Variants in BBS9 observed in about 807,000 individuals in gnomAD.
The protein encoded by BBS9 is protein PTHB1.
A neutral mutation model predicts 117.7 loss-of-function variants in BBS9; 89 were observed. The observed-to-expected ratio is 0.76, with a 90% CI of 0.64 to 0.90. The LOEUF is 0.90. Ranked by LOEUF, BBS9 falls within the 40% of genes least tolerant of loss-of-function variation. The pLI, the probability that BBS9 is intolerant of heterozygous loss-of-function variation, is 0.00. For missense variants in BBS9, 982 were observed against 1,042.2 expected (o/e 0.94, Z 0.80); for synonymous variants, 379 against 370.9 (o/e 1.02, Z -0.25).
intron 20 of BBS9, among the ~76,000 whole-genome samples, chr7:33,525,649 C>T (rs1252533631): frequency 3.8e-5 from 5 of 129,960 alleles, no homozygotes; most frequent in Admixed American, 3.3e-4. Context: ...TGTCTCTGCA[C>T]GTGAGATGGG....
At position 33,152,859 on chromosome 7, in the gene BBS9, A is replaced by T; in HGVS notation, c.263+8A>T. ...AGTAGGAAAGTTTGTTTCGTAAGTA[A>T]GCCCACTAATTCTGGTATTTTACTT... is the stretch of plus-strand genomic sequence containing the variant. On this transcript the variant is annotated splice_region_variant and intron_variant, in intron 3 of 22. Coordinates refer to ENST00000242067, the MANE Select transcript of BBS9 (RefSeq NM_198428.3). 1 of 1,613,884 alleles carries T rather than the reference A, an allele frequency of 6.2e-7. No individual in the cohort carries two copies. Among genetic ancestry groups the T allele is most frequent in the Non-Finnish European group, 8.5e-7 (1 of 1,179,862 alleles).
At chr7:33,469,468 T>A (rs1840668991) in intron 19 of BBS9, among the ~76,000 whole-genome samples, 1 of 152,202 alleles carries the variant, frequency 6.6e-6, no homozygotes, top group Non-Finnish European at 1.5e-5. Context: ...TACAAAGTCC[T>A]ATCTTTCTGT....
At chr7:33,403,171 GTTTGGGGT>G (rs1829225918) in intron 19 of BBS9, among the ~76,000 whole-genome samples, 2 of 151,184 alleles carry the variant, frequency 1.3e-5, no homozygotes, top group African/African-American at 4.9e-5. Flanking sequence ...TGATGCTGAG[GTTTGGGGT>G]ATGGATCCTG....
intron 19 of BBS9, among the ~76,000 whole-genome samples, chr7:33,438,685 C>G (rs144303165): frequency 6.0e-4 from 91 of 152,288 alleles, no homozygotes; most frequent in African/African-American, 2.1e-3. Flanking sequence ...GACAAATTCC[C>G]ATACACTACT....
At chr7:33,440,984 A>G (rs1836080399) in intron 19 of BBS9, among the ~76,000 whole-genome samples, 1 of 152,228 alleles carries the variant, frequency 6.6e-6, no homozygotes, top group South Asian at 2.1e-4. Flanking sequence ...GGTATTGGTT[A>G]TACAGGTAGA....
chr7:33,325,718 C>T (rs1812684630), intron 9 of BBS9, among the ~76,000 whole-genome samples: 1 of 152,156 alleles, frequency 6.6e-6, no homozygotes, highest in Non-Finnish European at 1.5e-5. Context: ...ACCTGAAGCC[C>T]AGTAACACTG....
intron 19 of BBS9, among the ~76,000 whole-genome samples, chr7:33,480,128 T>A (rs930669179): frequency 3.9e-5 from 6 of 152,160 alleles, no homozygotes; most frequent in Admixed American, 6.5e-5. Flanking sequence ...GAGGAAAGTC[T>A]CAATAAAGGT....
intron 9 of BBS9, among the ~76,000 whole-genome samples, chr7:33,311,848 C>T (rs1809317367): frequency 6.6e-6 from 1 of 151,904 alleles, no homozygotes; most frequent in African/African-American, 2.4e-5. Context: ...TATTAACCTT[C>T]CAGTGGCATA....
At chr7:33,528,705 T>C (rs908356523) in intron 20 of BBS9, among the ~76,000 whole-genome samples, 1 of 152,180 alleles carries the variant, frequency 6.6e-6, no homozygotes, top group Non-Finnish European at 1.5e-5. Context: ...ACCTCACGTG[T>C]ACCCTAGAGA....
intron 19 of BBS9, among the ~76,000 whole-genome samples, chr7:33,434,034 T>C (rs1834916180): frequency 6.6e-6 from 1 of 152,064 alleles, no homozygotes; most frequent in African/African-American, 2.4e-5. Context: ...TTGGTGAACA[T>C]ATAATTGTTT....
chr7:33,525,886 C>G (rs1046347084), intron 20 of BBS9, among the ~76,000 whole-genome samples: 1 of 151,644 alleles, frequency 6.6e-6, no homozygotes, highest in Admixed American at 6.6e-5. Context: ...GCGGCTGGTA[C>G]AGGTTGTTCC....
intron 9 of BBS9, among the ~76,000 whole-genome samples, chr7:33,286,896 T>G (rs1393485628): frequency 1.3e-5 from 2 of 152,160 alleles, no homozygotes; most frequent in Non-Finnish European, 2.9e-5. Context: ...AGGAAAAAGT[T>G]TATATTTTCT....
At chr7:33,281,227 T>C (rs2128370588) in intron 9 of BBS9, among the ~76,000 whole-genome samples, 1 of 152,068 alleles carries the variant, frequency 6.6e-6, no homozygotes, top group Admixed American at 6.5e-5. Flanking sequence ...ATAGCTGTTT[T>C]TTTTGGTGAG....
At chr7:33,330,150 A>G (rs1374218681) in intron 9 of BBS9, among the ~76,000 whole-genome samples, 1 of 151,900 alleles carries the variant, frequency 6.6e-6, no homozygotes, top group Non-Finnish European at 1.5e-5. Context: ...AGTAGCTGGG[A>G]CTACAGATGC....
chr7:33,334,665 G>A (rs1201847229), intron 9 of BBS9, among the ~76,000 whole-genome samples: 1 of 152,108 alleles, frequency 6.6e-6, no homozygotes, highest in African/African-American at 2.4e-5. Flanking sequence ...TCCATTTTTG[G>A]ACTATTTGTT....
intron 5 of BBS9, among the ~76,000 whole-genome samples, chr7:33,202,150 A>G (rs954737124): frequency 5.3e-5 from 8 of 152,200 alleles, no homozygotes; most frequent in African/African-American, 1.9e-4. Context: ...AATGTTCGAT[A>G]GGGCTCTGTC....
chr7:33,182,630 ATAGTCT>A (rs1798250277), intron 5 of BBS9, among the ~76,000 whole-genome samples: 1 of 152,200 alleles, frequency 6.6e-6, no homozygotes, highest in South Asian at 2.1e-4. Context: ...AAAAGGCATT[ATAGTCT>A]TAATTTTTTT....
chr7:33,175,347 C>T (rs888719552), intron 4 of BBS9, among the ~76,000 whole-genome samples: 2 of 151,780 alleles, frequency 1.3e-5, no homozygotes, highest in Middle Eastern at 3.2e-3. Context: ...TGTTAATTAA[C>T]CATTTGTGGG....
chr7:33,440,977 AT>A, intron 19 of BBS9, among the ~76,000 whole-genome samples: 1 of 152,320 alleles, frequency 6.6e-6, no homozygotes, highest in African/African-American at 2.4e-5. Flanking sequence ...TTAGTGGGGT[AT>A]TGGTTATACA....
Sources: gnomAD v4.1 joint callset for allele counts (sites outside exome capture counted in the v4.1 genomes callset) on GRCh38, gnomAD v4.1.1 for gene constraint, MANE v1.5 for transcripts, NCBI Gene and HGNC (gene_info 2026-07-23, HGNC 2026-07-21) for gene names.